Variants in WWOX observed in about 807,000 individuals in gnomAD.
The protein encoded by WWOX is WW domain-containing oxidoreductase.
Under a neutral mutation model 46.2 loss-of-function variants are expected in WWOX, and 69 were observed. That is an observed-to-expected ratio of 1.49 (90% confidence interval 1.23 to 1.82). WWOX has a LOEUF of 1.82. Among genes scored for constraint, WWOX ranks in the 40% most tolerant of loss-of-function variants. The probability of loss-of-function intolerance (pLI) is 0.00; values close to 1 mark genes in which losing one functional copy is unlikely to be tolerated. For missense variants in WWOX, 919 were observed against 542.6 expected (o/e 1.69, Z -6.89); for synonymous variants, 359 against 202.6 (o/e 1.77, Z -6.56).
intron 8 of WWOX, among the ~76,000 whole-genome samples, chr16:79,064,372 A>G (rs1003516703): frequency 6.6e-6 from 1 of 152,208 alleles, no homozygotes; most frequent in African/African-American, 2.4e-5. Flanking sequence ...CTTATCTGTA[A>G]AAGTAGGAAT....
At chr16:78,504,183 G>A (rs551510177) in intron 8 of WWOX, among the ~76,000 whole-genome samples, 1 of 152,294 alleles carries the variant, frequency 6.6e-6, no homozygotes, top group African/African-American at 2.4e-5. Context: ...AATACCAGGT[G>A]TATAGAAATG....
chr16:78,113,674 T>C (rs2032619352), intron 3 of WWOX, among the ~76,000 whole-genome samples: 1 of 152,212 alleles, frequency 6.6e-6, no homozygotes, highest in Admixed American at 6.5e-5. Context: ...ATAAATACTT[T>C]GGCCATAGCT....
chr16:79,106,593 T>C (rs929010320), intron 8 of WWOX: 3 of 40,944 alleles, frequency 7.3e-5, no homozygotes, highest in Admixed American at 2.1e-4. Context: ...TTTTTTTTTT[T>C]TTTTTTTTTT....
At chr16:78,779,041 G>T (rs115066249) in intron 8 of WWOX, among the ~76,000 whole-genome samples, 6 of 152,282 alleles carry the variant, frequency 3.9e-5, no homozygotes, top group South Asian at 4.1e-4. Flanking sequence ...TAATCTACTT[G>T]TGGAATGTTA....
At chr16:78,418,582 C>A (rs1237599365) in intron 6 of WWOX, among the ~76,000 whole-genome samples, 1 of 151,930 alleles carries the variant, frequency 6.6e-6, no homozygotes, top group African/African-American at 2.4e-5. Context: ...CCAAATGCAG[C>A]CACATATACA....
rs976257818 is a variant in WWOX at position 78,161,651 on chromosome 16, T to C, written c.410-2532T>C. On this transcript the variant is annotated intron_variant, in intron 4 of 8. Transcript: ENST00000566780. ...TTTAATTTTTGTAGAGACAGAGTTT[T>C]GCTATGTTGCCCAAGCTGGTCACAA... Among the ~76,000 whole-genome samples the C allele has an allele frequency of 1.5e-4, 23 of 152,174 alleles. 1 individual carries two copies. Among genetic ancestry groups the C allele is most frequent in the Non-Finnish European group, 2.9e-5 (2 of 68,026 alleles).
chr16:78,884,828 T>C (rs2044419775), intron 8 of WWOX, among the ~76,000 whole-genome samples: 1 of 152,210 alleles, frequency 6.6e-6, no homozygotes. Context: ...AAAAAGTTCA[T>C]GGACAAATAC....
intron 4 of WWOX, among the ~76,000 whole-genome samples, chr16:78,151,563 T>C (rs1176808921): frequency 6.6e-6 from 1 of 152,210 alleles, no homozygotes; most frequent in Non-Finnish European, 1.5e-5. Context: ...GCATCCTTTG[T>C]ATAAATCAGG....
intron 8 of WWOX, among the ~76,000 whole-genome samples, chr16:78,578,271 TATATATATA>T (rs1186981839): frequency 2.1e-4 from 7 of 33,772 alleles, no homozygotes; most frequent in Admixed American, 9.4e-4. Context: ...TATATATATA[TATATATATA>T]TATATTTTTT....
chr16:78,862,473 C>T (rs937910539), intron 8 of WWOX, among the ~76,000 whole-genome samples: 4 of 151,778 alleles, frequency 2.6e-5, no homozygotes, highest in African/African-American at 4.8e-5. Context: ...TCTATAAACA[C>T]ACAAGTGCAT....
intron 4 of WWOX, among the ~76,000 whole-genome samples, chr16:78,148,012 C>T (rs193059165): frequency 7.2e-5 from 11 of 151,744 alleles, no homozygotes; most frequent in South Asian, 4.2e-4. Context: ...AACCCTGTCT[C>T]GAGCAGACGA....
chr16:79,201,243 C>A (rs903511254), intron 8 of WWOX, among the ~76,000 whole-genome samples: 1 of 152,128 alleles, frequency 6.6e-6, no homozygotes, highest in Non-Finnish European at 1.5e-5. Flanking sequence ...ATTCTCAGCT[C>A]CCTCCAGGAC....
chr16:78,518,381 G>A (rs1373543380), intron 8 of WWOX, among the ~76,000 whole-genome samples: 2 of 151,884 alleles, frequency 1.3e-5, no homozygotes, highest in African/African-American at 4.8e-5. Flanking sequence ...ATAGGCACCT[G>A]GCTAATTTTT....
At chr16:78,575,663 C>A (rs2044860551) in intron 8 of WWOX, among the ~76,000 whole-genome samples, 1 of 152,108 alleles carries the variant, frequency 6.6e-6, no homozygotes, top group Non-Finnish European at 1.5e-5. Flanking sequence ...GTTTTGAAAG[C>A]CTAGCCTGAA....
At chr16:78,321,309 TA>T (rs2080466057) in intron 5 of WWOX, among the ~76,000 whole-genome samples, 1 of 65,964 alleles carries the variant, frequency 1.5e-5, no homozygotes, top group Non-Finnish European at 3.4e-5. Context: ...TATACGTATA[TA>T]TATGCGTATA....
chr16:79,106,933 G>A (rs1265516942), intron 8 of WWOX, among the ~76,000 whole-genome samples: 6 of 150,078 alleles, frequency 4.0e-5, no homozygotes, highest in South Asian at 2.1e-4. Context: ...TCAGCCTCTC[G>A]AGTAGCTGGG....
At chr16:78,492,015 C>A (rs140151633) in intron 8 of WWOX, among the ~76,000 whole-genome samples, 249 of 127,076 alleles carry the variant, frequency 2.0e-3, no homozygotes, top group African/African-American at 6.6e-3. Context: ...ACTTGCCATT[C>A]TCAATGGACA....
chr16:78,898,422 T>C (rs1233848553), intron 8 of WWOX: 1 of 152,168 alleles, frequency 6.6e-6, no homozygotes, highest in Non-Finnish European at 1.5e-5. Flanking sequence ...TTCAATTTCC[T>C]TGGCATCTTT....
intron 3 of WWOX, among the ~76,000 whole-genome samples, chr16:78,111,526 C>A (rs1419265079): frequency 6.6e-6 from 1 of 152,148 alleles, no homozygotes; most frequent in African/African-American, 2.4e-5. Flanking sequence ...GCGGTAACGC[C>A]AGTGTCTGGG....
Sources: allele counts gnomAD v4.1 joint callset (sites outside exome capture counted in the v4.1 genomes callset), GRCh38; gene constraint gnomAD v4.1.1; transcripts MANE v1.5; gene names NCBI Gene and HGNC (gene_info 2026-07-23, HGNC 2026-07-21).